The following SLC39A14 variants were observed in gnomAD, a reference collection of about 807,000 sequenced individuals.
SLC39A14 encodes solute carrier family 39 member 14.
SLC39A14 carries 19 observed loss-of-function variants against 45.5 expected under a neutral mutation model. That is an observed-to-expected ratio of 0.42 (90% CI 0.29 to 0.61). SLC39A14 has a LOEUF of 0.61. SLC39A14 is among the 20% of genes least tolerant of loss of function. The probability of loss-of-function intolerance (pLI) is 0.22; values close to 1 mark genes in which losing one functional copy is unlikely to be tolerated. For synonymous variants in SLC39A14, 264 were observed against 251.3 expected, an observed-to-expected ratio of 1.05 and a Z score of -0.48; for missense variants, 447 against 616.5, an observed-to-expected ratio of 0.73 and a Z score of 2.91.
intron 1 of SLC39A14, among the ~76,000 whole-genome samples, chr8:22,397,027 C>T (rs1834527208): frequency 6.6e-6 from 1 of 152,040 alleles, no homozygotes; most frequent in South Asian, 2.1e-4. Flanking sequence ...AAATTACACT[C>T]CTATTTCATT....
intron 1 of SLC39A14, among the ~76,000 whole-genome samples, chr8:22,383,946 C>T (rs1833648083): frequency 6.6e-6 from 1 of 152,152 alleles, no homozygotes; most frequent in Non-Finnish European, 1.5e-5. Flanking sequence ...CAAAGTCACC[C>T]ACTCCCCCAG....
At chr8:22,418,874 A>C (rs1563614927) in intron 8 of SLC39A14, among the ~76,000 whole-genome samples, 1 of 152,140 alleles carries the variant, frequency 6.6e-6, no homozygotes, top group Non-Finnish European at 1.5e-5. Flanking sequence ...AAGTGTTTAA[A>C]GTCCATAATA....
At chr8:22,369,244 A>G (rs986651424) in intron 1 of SLC39A14, among the ~76,000 whole-genome samples, 12 of 152,014 alleles carry the variant, frequency 7.9e-5, no homozygotes, top group Non-Finnish European at 1.8e-4. Context: ...AATTTATCAT[A>G]TTTTACTCAT....
chr8:22,413,820 A>G (rs1835719820), intron 4 of SLC39A14, among the ~76,000 whole-genome samples: 1 of 152,072 alleles, frequency 6.6e-6, no homozygotes, highest in South Asian at 2.1e-4. Flanking sequence ...TGTCACCCAG[A>G]CTGGAGTGCA....
chr8:22,412,837 G>A (rs191871982), intron 4 of SLC39A14, among the ~76,000 whole-genome samples: 16 of 152,202 alleles, frequency 1.1e-4, no homozygotes, highest in Admixed American at 5.2e-4. Flanking sequence ...CCAGCTATTC[G>A]GGAGGCACAA....
Position 22,419,905 on chromosome 8 carries a change from C to G in SLC39A14, c.*207C>G. The G allele has an allele frequency of 7.9e-7, 1 of 1,267,536 alleles. No homozygotes were observed. Among genetic ancestry groups the G allele is most frequent in the Non-Finnish European group, 9.9e-7 (1 of 1,007,032 alleles). The allele number at this position is 1,267,536 out of a possible 1,614,324, so 78.5% of individuals were successfully genotyped here. A position where few individuals can be genotyped will look rare whatever the true frequency, so the allele number is the denominator to read the frequency against. On this transcript the variant is annotated 3_prime_UTR_variant, in exon 9 of 9. Transcript: ENST00000381237. ...CCTGGTAACCAGTCTCTAGCTAGTG[C>G]CTCTTGCCCTCTCCTCACCTCCTTT...
At chr8:22,383,561 A>C (rs1485317571) in intron 1 of SLC39A14, among the ~76,000 whole-genome samples, 1 of 152,180 alleles carries the variant, frequency 6.6e-6, no homozygotes, top group East Asian at 1.9e-4. Flanking sequence ...GGCCCCGGCC[A>C]GGCCCCAGGG....
intron 8 of SLC39A14, 106 bp from the exon 9 acceptor site, chr8:22,419,446 A>G: frequency 1.7e-6 from 2 of 1,160,160 alleles, no homozygotes; most frequent in Non-Finnish European, 2.5e-6. Flanking sequence ...GGCCCTGATA[A>G]TTTTCTTTGT....
rs1455449188 is a variant in SLC39A14, at chr8:22,412,054, C to T, written c.475C>T (p.Leu159Phe). 1.9e-6 allele frequency: 3 copies of T among 1,551,292 alleles called. No individual in the cohort carries two copies. Among genetic ancestry groups the T allele is most frequent in the Admixed American group, 2.0e-5 (1 of 50,986 alleles). ...CACGGCAGTGTGGGGATACGGTCTC[C>T]TCTGTGTGACCGTCATCTCCCTCTG... ...SAVEVWGYGL[L>F]CVTVISLCSL... The change falls in exon 4 of 9, where the codon CTC (leucine) becomes TTC (phenylalanine). Residue 159 changes from leucine (L) to phenylalanine (F), a missense_variant. This residue lies in a region of SLC39A14 where 342 missense variants were observed against 428.1 expected (regional missense o/e 0.80). Coordinates refer to ENST00000381237, the MANE Select transcript of SLC39A14 (RefSeq NM_001128431.4).
At chr8:22,392,399 G>A (rs1432424780) in intron 1 of SLC39A14, among the ~76,000 whole-genome samples, 3 of 152,102 alleles carry the variant, frequency 2.0e-5, no homozygotes, top group African/African-American at 4.8e-5. Flanking sequence ...GTGGCACGTC[G>A]TGTTGTCCAG....
chr8:22,399,557 A>G (rs556686950), intron 1 of SLC39A14, among the ~76,000 whole-genome samples: 23 of 152,352 alleles, frequency 1.5e-4, no homozygotes, highest in Non-Finnish European at 3.1e-4. Context: ...CTGAGCCTGG[A>G]TGCTGTCTTG....
At chr8:22,416,544 T>C (rs1446487335) in intron 7 of SLC39A14, among the ~76,000 whole-genome samples, 1 of 151,630 alleles carries the variant, frequency 6.6e-6, no homozygotes, top group Non-Finnish European at 1.5e-5. Flanking sequence ...CCTGCCTCAG[T>C]CTCCCAAGTA....
intron 3 of SLC39A14, 21 bp downstream of exon 3, chr8:22,408,517 A>G: frequency 6.2e-7 from 1 of 1,604,122 alleles, no homozygotes; most frequent in East Asian, 2.2e-5. Context: ...CCAGGAAGGC[A>G]GGAGCCCATC....
At chr8:22,405,767 G>T (rs1227338474) in intron 2 of SLC39A14, among the ~76,000 whole-genome samples, 1 of 152,178 alleles carries the variant, frequency 6.6e-6, no homozygotes, top group Non-Finnish European at 1.5e-5. Flanking sequence ...TCCCTGCAGA[G>T]ACCAGGGCTG....
chr8:22,419,527 G>A lies in SLC39A14; in HGVS notation c.1333-25G>A, dbSNP rs10101909. ...ACAAGATGAAGAAGGAATTGCAGCT[G>A]TGTTGTTTCTTGCTTCTTTCCCAGT... On this transcript the variant is annotated intron_variant, in intron 8 of 8. Transcript: ENST00000381237. The A allele has an allele frequency of 0.3, 480,439 of 1,598,870 alleles. 76,272 individuals carry two copies. Among genetic ancestry groups the A allele is most frequent in the East Asian group, 0.6 (26,731 of 44,774 alleles).
intron 1 of SLC39A14, among the ~76,000 whole-genome samples, chr8:22,402,172 G>A (rs963342588): frequency 6.6e-6 from 1 of 152,038 alleles, no homozygotes; most frequent in Non-Finnish European, 1.5e-5. Context: ...ACGAGGTCAG[G>A]AGATTGAGAC....
chr8:22,380,188 C>T (rs1489147547), intron 1 of SLC39A14, among the ~76,000 whole-genome samples: 3 of 152,244 alleles, frequency 2.0e-5, no homozygotes, highest in Admixed American at 2.0e-4. Flanking sequence ...TGTCTTGGAA[C>T]CAATCCCCTG....
chr8:22,368,627 C>G (rs1048113004), intron 1 of SLC39A14, among the ~76,000 whole-genome samples: 1 of 152,154 alleles, frequency 6.6e-6, no homozygotes, highest in Non-Finnish European at 1.5e-5. Flanking sequence ...ACCTCCGCCT[C>G]CCGGGTTCAA....
In SLC39A14 at chr8:22,420,739, A is replaced by AT; in HGVS notation, c.*1044dup. The AT allele has an allele frequency of 3.0e-6, 3 of 985,364 alleles. No individual in the cohort carries two copies. In the South Asian group the frequency reaches 1.4e-4, roughly 46 times the overall value. 61.0% of individuals were successfully genotyped at this position (985,364 alleles called of 1,614,324 possible). ...GGAATCAGTGCAGGCAAAATTTAGG[A>AT]TTTGCCGCTTCCATAAATCAAAGCA... On this transcript the variant is annotated 3_prime_UTR_variant, in exon 9 of 9. Transcript: ENST00000381237.
Sources: gnomAD v4.1 joint callset for allele counts (sites outside exome capture counted in the v4.1 genomes callset) on GRCh38, gnomAD v4.1.1 for gene constraint, gnomAD v4.1.1 regional missense constraint, MANE v1.5 for transcripts, NCBI Gene and HGNC (gene_info 2026-07-23, HGNC 2026-07-21) for gene names.